Variants in GSE1 observed in about 807,000 individuals in gnomAD.
GSE1 encodes genetic suppressor element 1.
Under a neutral mutation model 112.6 loss-of-function variants are expected in GSE1, and 32 were observed. The ratio of observed to expected loss-of-function variants is 0.28; its 90% CI spans 0.21 to 0.38. GSE1 has a LOEUF of 0.38. GSE1 is among the 10% of genes least tolerant of loss of function. The pLI, the probability that GSE1 is intolerant of heterozygous loss-of-function variation, is 1.00. For synonymous variants in GSE1, 1,115 were observed against 735.6 expected, an observed-to-expected ratio of 1.52 and a Z score of -8.35; for missense variants, 2,348 against 1,699.2, an observed-to-expected ratio of 1.38 and a Z score of -6.71.
intron 13 of GSE1, among the ~76,000 whole-genome samples, 160 bp from the exon 14 acceptor site, chr16:85,667,980 C>T (rs4843481): frequency 0.7 from 106,296 of 151,848 alleles, 37,306 homozygotes; most frequent in East Asian, 0.91. Context: ...GGCCCAGAGG[C>T]CTTGGGCTAG....
In GSE1 at chr16:85,169,803, C is replaced by T. The variant is rs926386201; in HGVS notation, c.279C>T (p.Phe93=). 3 of 984,186 alleles carry T rather than the reference C, an allele frequency of 3.0e-6. No individual in the cohort carries two copies. In the African/African-American group the frequency reaches 5.3e-5, roughly 17 times the overall value. The allele number at this position is 984,186 out of a possible 1,614,324, so 61.0% of individuals were successfully genotyped here. ...TGGTGTGCGCCGTGTGCCGCTGCTT[C>T]CTGGGCGAGCAGTGGGCCGCCTTCG... The change falls in exon 1 of 3, where the codon TTC becomes TTT. Residue 93 remains phenylalanine (F), a synonymous_variant. Coordinates refer to the GSE1 transcript ENST00000637419.
upstream of GSE1, chr16:85,554,749 C>T: frequency 2.2e-6 from 1 of 461,916 alleles, no homozygotes; most frequent in Non-Finnish European, 2.8e-6. Context: ...GGAGGGCGAA[C>T]TCCCGGCTCC....
rs538394683 is a variant in GSE1 at position 85,505,658 on chromosome 16, C to T, written c.2465-128256C>T. Among the ~76,000 whole-genome samples the T allele has an allele frequency of 1.3e-3, 204 of 152,238 alleles. 1 individual carries two copies. The highest frequency in any genetic ancestry group is 4.7e-3 in the African/African-American group (196 of 41,532). On this transcript the variant is annotated intron_variant, in intron 2 of 2. Coordinates refer to the GSE1 transcript ENST00000637419. ...ATGCTCAGGGTCTGGCGTGTATAGA[C>T]ACCCCTAATACATGATTGTGATCAT...
intron 2 of GSE1, among the ~76,000 whole-genome samples, chr16:85,381,304 C>T (rs61073605): frequency 0.016 from 2,436 of 152,254 alleles, 67 homozygotes; most frequent in African/African-American, 0.055. Flanking sequence ...TTTTTATGGC[C>T]GAATAATATT....
At chr16:85,621,114 C>G (rs1224983431) in intron 1 of GSE1, among the ~76,000 whole-genome samples, 2 of 151,418 alleles carry the variant, frequency 1.3e-5, no homozygotes, top group Admixed American at 6.6e-5. Flanking sequence ...TGTAGATGGT[C>G]TTGGCCCTGG....
At chr16:85,340,014 C>T (rs749052516) in intron 1 of GSE1, among the ~76,000 whole-genome samples, 1 of 152,220 alleles carries the variant, frequency 6.6e-6, no homozygotes, top group East Asian at 1.9e-4. Flanking sequence ...CCACCTCTCT[C>T]AGCACAGCTT....
intron 1 of GSE1, among the ~76,000 whole-genome samples, chr16:85,567,109 C>T (rs976559408): frequency 1.5e-4 from 22 of 149,910 alleles, no homozygotes; most frequent in African/African-American, 4.1e-4. Flanking sequence ...CACTCACAGG[C>T]GGATTTCAAC....
At chr16:85,629,073 C>T (rs2049314492) in intron 1 of GSE1, among the ~76,000 whole-genome samples, 1 of 152,188 alleles carries the variant, frequency 6.6e-6, no homozygotes, top group Non-Finnish European at 1.5e-5. Flanking sequence ...CACTCTTGCT[C>T]CCTCTCTCAC....
upstream of GSE1, chr16:85,555,818 TC>T (rs1305433357): frequency 7.9e-5 from 73 of 928,998 alleles, no homozygotes; most frequent in African/African-American, 2.2e-4. Flanking sequence ...TTTTTTTCTT[TC>T]CCCCCTCTCT....
intron 2 of GSE1, among the ~76,000 whole-genome samples, chr16:85,642,637 G>A (rs1002301141): frequency 3.3e-5 from 5 of 152,232 alleles, no homozygotes; most frequent in East Asian, 1.9e-4. Context: ...GGCAGCCCCC[G>A]GCCATGGCAT....
At chr16:85,308,988 C>A (rs755908069) in intron 1 of GSE1, among the ~76,000 whole-genome samples, 3 of 150,922 alleles carry the variant, frequency 2.0e-5, no homozygotes, top group Non-Finnish European at 4.4e-5. Context: ...GTCACAAGGA[C>A]AGCCGTGGAG....
chr16:85,555,286 C>T (rs1268124818), upstream of GSE1: 1 of 985,256 alleles, frequency 1.0e-6, no homozygotes, highest in Non-Finnish European at 1.2e-6. Context: ...TCTCCTCCTG[C>T]CTCCTTCTGC....
chr16:85,549,141 A>G (rs2044813452), intron 2 of GSE1, among the ~76,000 whole-genome samples: 1 of 151,090 alleles, frequency 6.6e-6, no homozygotes. Flanking sequence ...CCACATTCAC[A>G]GGTACCAAGC....
chr16:85,269,495 A>C (rs1476326126), intron 1 of GSE1, among the ~76,000 whole-genome samples: 1 of 149,256 alleles, frequency 6.7e-6, no homozygotes, highest in African/African-American at 2.4e-5. Context: ...TGTTCTACGG[A>C]GGTAACAAAA....
At chr16:85,425,066 C>A (rs12922224) in intron 2 of GSE1, among the ~76,000 whole-genome samples, 82,967 of 151,974 alleles carry the variant, frequency 0.55, 25,662 homozygotes, top group Non-Finnish European at 0.7. Flanking sequence ...CTGGGGGCCC[C>A]GGGCCACTCA....
At chr16:85,541,072 G>A (rs1036243370) in intron 2 of GSE1, among the ~76,000 whole-genome samples, 5 of 152,134 alleles carry the variant, frequency 3.3e-5, no homozygotes, top group African/African-American at 9.7e-5. Context: ...TGCTCGACAG[G>A]GAGAATGGTG....
rs546732682 is a variant in GSE1 at position 85,657,562 on chromosome 16, C to T, written c.1598C>T (p.Pro533Leu). The T allele has an allele frequency of 3.9e-5, 61 of 1,571,458 alleles. No individual in the cohort carries two copies. The highest frequency in any genetic ancestry group is 1.8e-4 in the South Asian group (15 of 85,058). Residue 533 changes from proline (P) to leucine (L), a missense_variant, in exon 8 of 16, where the codon CCG becomes CTG. By Grantham distance (98) the Pro-to-Leu change is moderately conservative. Coordinates refer to ENST00000253458, the MANE Select transcript of GSE1 (RefSeq NM_014615.5). The part of the protein sequence containing the change: ...LEQHLDMGRP[P>L]VPAEAEHRPE... Reference sequence around the variant, plus strand: ...CAGCACCTGGATATGGGCCGGCCCCCGGTGCCGGCGGAGGCAGAGCACAGG... The same window carrying T: ...CAGCACCTGGATATGGGCCGGCCCCTGGTGCCGGCGGAGGCAGAGCACAGG...
chr16:85,372,350 A>T (rs769491028), intron 2 of GSE1, among the ~76,000 whole-genome samples: 1 of 152,108 alleles, frequency 6.6e-6, no homozygotes, highest in Middle Eastern at 3.4e-3. Flanking sequence ...ATGGTGGCTC[A>T]TGCCTGTGGT....
chr16:85,346,520 G>A (rs1023162555), intron 1 of GSE1, among the ~76,000 whole-genome samples: 2 of 151,440 alleles, frequency 1.3e-5, no homozygotes, highest in African/African-American at 4.9e-5. Flanking sequence ...ATGGATGGAT[G>A]GTGGATGGGT....
Sources: allele counts gnomAD v4.1 joint callset (sites outside exome capture counted in the v4.1 genomes callset), GRCh38; gene constraint gnomAD v4.1.1; transcripts MANE v1.5; gene names NCBI Gene and HGNC (gene_info 2026-07-23, HGNC 2026-07-21).